ALK: variants seen among roughly 807,000 people sequenced by gnomAD.
ALK encodes the protein ALK tyrosine kinase receptor.
A neutral mutation model predicts 163.1 loss-of-function variants in ALK; 74 were observed. That is an observed-to-expected ratio of 0.45 (90% confidence interval 0.38 to 0.55). The LOEUF is 0.55. Among genes scored for constraint, ALK ranks in the 20% least tolerant of loss-of-function variants. The pLI, the probability that ALK is intolerant of heterozygous loss-of-function variation, is 0.00. For missense variants in ALK, 2,063 were observed against 2,105.3 expected, an observed-to-expected ratio of 0.98 and a Z score of 0.39; for synonymous variants, 960 against 843.2, an observed-to-expected ratio of 1.14 and a Z score of -2.40.
chr2:29,497,186 C>T (rs555020725), intron 4 of ALK, among the ~76,000 whole-genome samples: 12 of 152,126 alleles, frequency 7.9e-5, no homozygotes, highest in South Asian at 2.1e-4. Flanking sequence ...GCAGGAGAAT[C>T]GCTTGAACCT....
At chr2:29,868,373 G>A (rs184828388) in intron 1 of ALK, among the ~76,000 whole-genome samples, 3 of 152,212 alleles carry the variant, frequency 2.0e-5, no homozygotes, top group Non-Finnish European at 4.4e-5. Flanking sequence ...TTCTGCACTT[G>A]TGAAGATAAT....
At chr2:29,488,348 G>A (rs79741237) in intron 4 of ALK, among the ~76,000 whole-genome samples, 1,684 of 152,210 alleles carry the variant, frequency 0.011, 9 homozygotes, top group Non-Finnish European at 0.018. Flanking sequence ...CAGCAGAATG[G>A]TGGGGTCATT....
intron 4 of ALK, among the ~76,000 whole-genome samples, chr2:29,450,512 C>T (rs974643155): frequency 6.6e-6 from 1 of 151,792 alleles, no homozygotes; most frequent in African/African-American, 2.4e-5. Context: ...GAAAAACAAA[C>T]GCCAATATAA....
rs2148197166 is a variant in ALK at position 29,251,096 on chromosome 2, C to T, written c.2204+9G>A. 1 of 1,613,656 alleles carries T rather than the reference C, an allele frequency of 6.2e-7. No homozygotes were observed. Among genetic ancestry groups the T allele is most frequent in the Non-Finnish European group, 8.5e-7 (1 of 1,179,846 alleles). On this transcript the variant is annotated intron_variant, in intron 12 of 28. Transcript: ENST00000389048. The stretch of plus-strand genomic sequence containing the variant: ...GTCTGCCCCTCCCCTCCCCCTCTTC[C>T]ATACGCACCTGTAGGTGTCGGTGGC...
At chr2:29,477,376 G>T (rs1215822607) in intron 4 of ALK, among the ~76,000 whole-genome samples, 1 of 152,188 alleles carries the variant, frequency 6.6e-6, no homozygotes, top group East Asian at 1.9e-4. Context: ...GGCAACACTT[G>T]GCTCTCTAGT....
chr2:29,738,417 C>T (rs980731708), intron 1 of ALK, among the ~76,000 whole-genome samples: 1 of 152,026 alleles, frequency 6.6e-6, no homozygotes, highest in African/African-American at 2.4e-5. Flanking sequence ...GTCTTGATGG[C>T]ATAATTTAGC....
chr2:29,717,769 G>C, intron 1 of ALK, 72 bp from the exon 2 acceptor site: 2 of 1,603,720 alleles, frequency 1.2e-6, no homozygotes, highest in Non-Finnish European at 1.7e-6. Flanking sequence ...CTCAATATCA[G>C]TCAAAAATGA....
At chr2:29,556,166 G>T (rs1673853326) in intron 3 of ALK, among the ~76,000 whole-genome samples, 1 of 152,150 alleles carries the variant, frequency 6.6e-6, no homozygotes, top group Admixed American at 6.5e-5. Flanking sequence ...AGCCTAGGGG[G>T]TTATTTCCCC....
chr2:29,831,716 A>G (rs1665426026), intron 1 of ALK, among the ~76,000 whole-genome samples: 1 of 152,194 alleles, frequency 6.6e-6, no homozygotes, highest in Non-Finnish European at 1.5e-5. Context: ...TCTAGGCTAT[A>G]GTTTCTCCAG....
chr2:29,694,298 C>A (rs773921727), intron 3 of ALK, among the ~76,000 whole-genome samples: 2 of 152,192 alleles, frequency 1.3e-5, no homozygotes, highest in Non-Finnish European at 2.9e-5. Context: ...GCAAATGTGT[C>A]GCCTGAGTAT....
chr2:29,223,017 C>G (rs1191884088), intron 20 of ALK, among the ~76,000 whole-genome samples: 2 of 152,132 alleles, frequency 1.3e-5, no homozygotes, highest in Admixed American at 6.5e-5. Context: ...CGCAGTTGCT[C>G]TAGATGCTCA....
intron 1 of ALK, among the ~76,000 whole-genome samples, chr2:29,851,101 T>C (rs1665978752): frequency 6.6e-6 from 1 of 152,230 alleles, no homozygotes; most frequent in Non-Finnish European, 1.5e-5. Flanking sequence ...TCCCCAATAG[T>C]TGCATTGTGC....
At chr2:29,360,475 ACAAGGCTCGTC>A (rs1668361265) in intron 5 of ALK, among the ~76,000 whole-genome samples, 1 of 152,198 alleles carries the variant, frequency 6.6e-6, no homozygotes, top group South Asian at 2.1e-4. Flanking sequence ...AGCTCCTGAC[ACAAGGCTCGTC>A]CTGCCCACGA....
chr2:29,697,487 C>T (rs1678604660), intron 2 of ALK, among the ~76,000 whole-genome samples: 2 of 152,174 alleles, frequency 1.3e-5, no homozygotes, highest in Non-Finnish European at 2.9e-5. Flanking sequence ...TCTTCCCCTT[C>T]CTTGCTCATT....
intron 4 of ALK, among the ~76,000 whole-genome samples, chr2:29,444,501 G>A (rs56077647): frequency 6.6e-6 from 1 of 152,018 alleles, no homozygotes; most frequent in Non-Finnish European, 1.5e-5. Flanking sequence ...AGACAACAGA[G>A]GACTGGGCAA....
chr2:29,319,899 T>C (rs1346368572), intron 7 of ALK, among the ~76,000 whole-genome samples: 3 of 152,192 alleles, frequency 2.0e-5, no homozygotes, highest in African/African-American at 4.8e-5. Context: ...TCTAGTTCCA[T>C]AGAAAGAAGG....
At position 29,920,254 on chromosome 2, in the gene ALK, G is replaced by A. The variant is rs1386626390; in HGVS notation, c.406C>T (p.Arg136Trp). 3 of 1,606,276 alleles carry A rather than the reference G, an allele frequency of 1.9e-6. No individual in the cohort carries two copies. Among genetic ancestry groups the A allele is most frequent in the East Asian group, 4.5e-5 (2 of 44,590 alleles). The change falls in exon 1 of 29, where the codon CGG (arginine) becomes TGG (tryptophan). Residue 136 changes from arginine to tryptophan, a missense_variant. Around this residue, in one of 5 missense-constraint regions of ALK, gnomAD observed 987 missense variants for 939.5 expected, o/e 1.05. Transcript: ENST00000389048. ...TCCAGCACCAACTGCTTGGCACGCC[G>A]GAGCTTGCGCACGGAGCCGCCCTTC... Reference protein sequence around the residue: ...VLKGGSVRKLRRAKQLVLELG... With the variant: ...VLKGGSVRKLWRAKQLVLELG...
At chr2:29,524,697 A>C (rs1672906788) in intron 4 of ALK, among the ~76,000 whole-genome samples, 1 of 152,232 alleles carries the variant, frequency 6.6e-6, no homozygotes, top group South Asian at 2.1e-4. Context: ...CTCTGTTGTT[A>C]ACCTGGGACC....
chr2:29,404,443 A>G (rs755458086), intron 4 of ALK, among the ~76,000 whole-genome samples: 5 of 152,220 alleles, frequency 3.3e-5, no homozygotes, highest in Non-Finnish European at 5.9e-5. Context: ...TTAAACAACA[A>G]TTAACAAGGC....
Sources: gnomAD v4.1 joint callset for allele counts (sites outside exome capture counted in the v4.1 genomes callset) on GRCh38, gnomAD v4.1.1 for gene constraint, gnomAD v4.1.1 regional missense constraint, MANE v1.5 for transcripts, NCBI Gene and HGNC (gene_info 2026-07-23, HGNC 2026-07-21) for gene names.